The following MPP7 variants were observed in gnomAD, a reference collection of about 807,000 sequenced individuals.
MPP7 encodes the protein MAGUK p55 scaffold protein 7.
Under a neutral mutation model 76.5 loss-of-function variants are expected in MPP7, and 60 were observed. That is an observed-to-expected ratio of 0.78 (90% CI 0.64 to 0.97). MPP7 has a LOEUF of 0.97. Ranked by LOEUF, MPP7 falls within the 50% of genes least tolerant of loss-of-function variation. The pLI is 0.00. For synonymous variants in MPP7, 237 were observed against 244.5 expected (o/e 0.97, Z 0.29); for missense variants, 641 against 694.0 (o/e 0.92, Z 0.86).
chr10:28,127,487 T>C (rs1835054767), intron 6 of MPP7, among the ~76,000 whole-genome samples: 1 of 152,140 alleles, frequency 6.6e-6, no homozygotes, highest in African/African-American at 2.4e-5. Context: ...TCCATGTGGC[T>C]GGGGAGGCCT....
intron 11 of MPP7, among the ~76,000 whole-genome samples, chr10:28,090,972 C>T (rs909583765): frequency 1.3e-5 from 2 of 152,156 alleles, no homozygotes; most frequent in Admixed American, 1.3e-4. Flanking sequence ...CATGGAGAAA[C>T]CCCATCTCTA....
At chr10:28,278,082 T>C (rs1430577946) in intron 1 of MPP7, among the ~76,000 whole-genome samples, 1 of 152,116 alleles carries the variant, frequency 6.6e-6, no homozygotes, top group African/African-American at 2.4e-5. Context: ...TATCCATGCA[T>C]ATTTCTTAAA....
intron 1 of MPP7, among the ~76,000 whole-genome samples, chr10:28,264,131 T>A (rs1163585446): frequency 6.6e-6 from 1 of 152,012 alleles, no homozygotes; most frequent in African/African-American, 2.4e-5. Context: ...ACCCTGTCTC[T>A]ACAAAAAAAT....
intron 11 of MPP7, among the ~76,000 whole-genome samples, chr10:28,107,336 T>C (rs913883969): frequency 5.9e-5 from 9 of 152,192 alleles, no homozygotes; most frequent in African/African-American, 2.2e-4. Flanking sequence ...CAGCATTTTA[T>C]GTGACAGTCA....
chr10:28,282,009 CCTTT>C, intron 1 of MPP7: 2 of 152,200 alleles, frequency 1.3e-5, no homozygotes, highest in African/African-American at 4.8e-5. Flanking sequence ...AGAACACCCA[CCTTT>C]CTTTCTCTTC....
intron 3 of MPP7, among the ~76,000 whole-genome samples, chr10:28,178,922 G>A (rs1247158945): frequency 6.6e-6 from 1 of 152,102 alleles, no homozygotes; most frequent in African/African-American, 2.4e-5. Flanking sequence ...GAGAAATGTA[G>A]TAAAAGTTGA....
chr10:28,208,619 G>A (rs1838025126), intron 2 of MPP7, among the ~76,000 whole-genome samples: 1 of 152,142 alleles, frequency 6.6e-6, no homozygotes, highest in Non-Finnish European at 1.5e-5. Flanking sequence ...CAAGAATAAG[G>A]AAGAGATGCC....
chr10:28,094,143 C>T (rs1349055079), intron 11 of MPP7, among the ~76,000 whole-genome samples: 1 of 152,202 alleles, frequency 6.6e-6, no homozygotes, highest in East Asian at 1.9e-4. Flanking sequence ...GGCAGCCATA[C>T]GCTGCACTTG....
intron 12 of MPP7, among the ~76,000 whole-genome samples, chr10:28,078,955 G>A (rs888816182): frequency 6.6e-6 from 1 of 152,106 alleles, no homozygotes; most frequent in Non-Finnish European, 1.5e-5. Context: ...TACATGCAAA[G>A]ATTCTTTTAT....
intron 12 of MPP7, among the ~76,000 whole-genome samples, chr10:28,086,504 C>T (rs1361019711): frequency 5.9e-5 from 9 of 152,124 alleles, no homozygotes; most frequent in Non-Finnish European, 1.5e-5. Flanking sequence ...GATCACGGAT[C>T]AGGACAATTA....
chr10:28,153,236 A>G (rs182671946), intron 3 of MPP7, among the ~76,000 whole-genome samples: 1 of 152,344 alleles, frequency 6.6e-6, no homozygotes, highest in Admixed American at 6.5e-5. Flanking sequence ...CCTGGGCTAC[A>G]GAGCGAGACT....
At chr10:28,306,727 G>A (rs1841260311), upstream of MPP7, among the ~76,000 whole-genome samples, 1 of 151,786 alleles carries the variant, frequency 6.6e-6, no homozygotes, top group Non-Finnish European at 1.5e-5. Flanking sequence ...ATAGATAATA[G>A]ATAGTTGATA....
chr10:28,160,350 G>T (rs1403131063), intron 3 of MPP7, among the ~76,000 whole-genome samples: 2 of 152,132 alleles, frequency 1.3e-5, no homozygotes, highest in Non-Finnish European at 2.9e-5. Context: ...ATTTAATGCA[G>T]CCAACTATTC....
intron 12 of MPP7, among the ~76,000 whole-genome samples, chr10:28,082,709 T>C (rs1174018639): frequency 1.3e-5 from 2 of 152,188 alleles, no homozygotes; most frequent in Non-Finnish European, 2.9e-5. Context: ...CCTCCAGCAC[T>C]CTCCCTGCCT....
chr10:28,245,220 G>T (rs1315795128), intron 1 of MPP7, among the ~76,000 whole-genome samples: 1 of 152,086 alleles, frequency 6.6e-6, no homozygotes, highest in Non-Finnish European at 1.5e-5. Flanking sequence ...CGTTTTCCTT[G>T]ACTAATTCTC....
At chr10:28,199,095 A>G (rs757369016) in intron 3 of MPP7, among the ~76,000 whole-genome samples, 4 of 152,158 alleles carry the variant, frequency 2.6e-5, no homozygotes, top group African/African-American at 4.8e-5. Context: ...ATGAGAGCCA[A>G]GCATAAGGGG....
chr10:28,125,956 A>G (rs1835004020), intron 6 of MPP7, among the ~76,000 whole-genome samples: 1 of 152,216 alleles, frequency 6.6e-6, no homozygotes, highest in Non-Finnish European at 1.5e-5. Flanking sequence ...GCCATCCAAC[A>G]TTGCATAATA....
chr10:28,097,822 C>T (rs971464365), intron 11 of MPP7, among the ~76,000 whole-genome samples: 1 of 152,154 alleles, frequency 6.6e-6, no homozygotes, highest in Non-Finnish European at 1.5e-5. Context: ...GTGTCATTGG[C>T]TCCCAACCAC....
chr10:28,142,123 C>A (rs1301330213), intron 5 of MPP7, among the ~76,000 whole-genome samples: 1 of 152,028 alleles, frequency 6.6e-6, no homozygotes, highest in Non-Finnish European at 1.5e-5. Context: ...GAATACAAGT[C>A]CTTTCCAAGC....
Sources: gnomAD v4.1 joint callset for allele counts (sites outside exome capture counted in the v4.1 genomes callset) on GRCh38, gnomAD v4.1.1 for gene constraint, MANE v1.5 for transcripts, NCBI Gene and HGNC (gene_info 2026-07-23, HGNC 2026-07-21) for gene names.